The following IQGAP2 variants were observed in gnomAD, a reference collection of about 807,000 sequenced individuals.
IQGAP2 encodes the protein IQ motif containing GTPase activating protein 2.
In IQGAP2, 173 loss-of-function variants were observed where a neutral mutation model predicts 201.3. That is an observed-to-expected ratio of 0.86 (90% confidence interval 0.76 to 0.98). The LOEUF (loss-of-function observed/expected upper bound fraction) is 0.98. IQGAP2 is among the 50% of genes least tolerant of loss of function. The pLI is 0.00. For missense variants in IQGAP2, 1,687 were observed against 1,864.8 expected (o/e 0.90, Z 1.76); for synonymous variants, 675 against 673.9 (o/e 1.00, Z -0.03).
At chr5:76,563,391 T>A (rs1744518572) in intron 3 of IQGAP2, among the ~76,000 whole-genome samples, 1 of 152,158 alleles carries the variant, frequency 6.6e-6, no homozygotes, top group African/African-American at 2.4e-5. Flanking sequence ...TATTTACAGA[T>A]GAAGTGATAG....
rs187468332 is a variant in IQGAP2 at position 76,652,890 on chromosome 5, A to G, written c.2178+57A>G. Reference sequence around the variant, plus strand: ...TGGCTTAAACGTTTCCCCTCATTTCATGTTTAATCTGAAAGACAGCTATAG... The same window carrying G: ...TGGCTTAAACGTTTCCCCTCATTTCGTGTTTAATCTGAAAGACAGCTATAG... On this transcript the variant is annotated intron_variant, in intron 18 of 35. Transcript: ENST00000274364. The G allele has an allele frequency of 1.2e-3, 1,368 of 1,122,404 alleles. 8 individuals are homozygous for G. In the African/African-American group the frequency reaches 0.016, roughly 13 times the overall value. The allele number at this position is 1,122,404 out of a possible 1,614,324, so 69.5% of individuals were successfully genotyped here. A position where few individuals can be genotyped will look rare whatever the true frequency, so the allele number is the denominator to read the frequency against.
intron 6 of IQGAP2, 87 bp from the exon 7 acceptor site, chr5:76,589,528 T>C: frequency 1.5e-6 from 1 of 670,924 alleles, no homozygotes; most frequent in Non-Finnish European, 2.4e-6. Flanking sequence ...ATGAAGACAT[T>C]TCTTGATATG....
intron 2 of IQGAP2, among the ~76,000 whole-genome samples, chr5:76,479,450 A>C (rs1755646621): frequency 6.6e-6 from 1 of 152,144 alleles, no homozygotes; most frequent in African/African-American, 2.4e-5. Flanking sequence ...AACACAGACC[A>C]GCTGGCTGTG....
chr5:76,450,528 T>C (rs1229769398), intron 1 of IQGAP2, among the ~76,000 whole-genome samples: 2 of 152,112 alleles, frequency 1.3e-5, no homozygotes, highest in Admixed American at 1.3e-4. Flanking sequence ...TAATAGGAGG[T>C]AATAATATTT....
At chr5:76,694,250 CAGTG>C (rs764338850) in intron 31 of IQGAP2, among the ~76,000 whole-genome samples, 21 of 152,068 alleles carry the variant, frequency 1.4e-4, no homozygotes, top group Non-Finnish European at 2.5e-4. Flanking sequence ...CTGGACAACA[CAGTG>C]AGACCCCCAT....
chr5:76,432,811 C>G (rs574746365), intron 1 of IQGAP2, among the ~76,000 whole-genome samples: 1 of 152,324 alleles, frequency 6.6e-6, no homozygotes, highest in South Asian at 2.1e-4. Flanking sequence ...ATACACCTGG[C>G]TGCATACTCT....
chr5:76,539,169 A>AC (rs1010728758), intron 2 of IQGAP2, among the ~76,000 whole-genome samples: 6 of 152,126 alleles, frequency 3.9e-5, no homozygotes, highest in Non-Finnish European at 8.8e-5. Flanking sequence ...TGCCCCTCTG[A>AC]CCTCAACACT....
chr5:76,512,782 C>T (rs1314571180), intron 2 of IQGAP2, among the ~76,000 whole-genome samples: 4 of 152,302 alleles, frequency 2.6e-5, no homozygotes, highest in Admixed American at 2.0e-4. Flanking sequence ...TGGGGCTGGG[C>T]GCGGTGGCTC....
At position 76,410,088 on chromosome 5, in the gene IQGAP2, G is replaced by A. The variant is rs1019485648; in HGVS notation, c.46+6497G>A. 3.7e-4 allele frequency among the ~76,000 whole-genome samples: 56 copies of A among 152,198 alleles called. 1 individual carries two copies. Among genetic ancestry groups the A allele is most frequent in the African/African-American group, 1.3e-3 (53 of 41,458 alleles). ...AAAGTATCGTGATGAATGAAACACC[G>A]CTTAGCTGCTGACAGCTTACCAGAG... On this transcript the variant is annotated intron_variant, in intron 1 of 35. Coordinates refer to ENST00000274364, the MANE Select transcript of IQGAP2 (RefSeq NM_006633.5).
chr5:76,613,558 A>G (rs1217192534), intron 13 of IQGAP2, among the ~76,000 whole-genome samples: 1 of 152,164 alleles, frequency 6.6e-6, no homozygotes, highest in Non-Finnish European at 1.5e-5. Context: ...TTAATGAAGA[A>G]TATGTGCACG....
intron 2 of IQGAP2, among the ~76,000 whole-genome samples, chr5:76,490,651 G>C (rs941199757): frequency 1.3e-5 from 2 of 152,108 alleles, no homozygotes; most frequent in Admixed American, 6.6e-5. Context: ...TAGTGGCTAT[G>C]AGAAAAAAGC....
intron 5 of IQGAP2, among the ~76,000 whole-genome samples, chr5:76,586,514 C>T (rs1218284113): frequency 1.3e-5 from 2 of 152,158 alleles, no homozygotes; most frequent in Non-Finnish European, 2.9e-5. Context: ...AAAATATTTA[C>T]CCTCCCAACC....
At chr5:76,706,143 C>A (rs1003360150) in intron 35 of IQGAP2, among the ~76,000 whole-genome samples, 4 of 152,144 alleles carry the variant, frequency 2.6e-5, no homozygotes, top group Non-Finnish European at 5.9e-5. Flanking sequence ...TCTCTCCATA[C>A]ATAGTTATTT....
intron 12 of IQGAP2, among the ~76,000 whole-genome samples, chr5:76,609,739 G>T (rs1488531795): frequency 6.6e-6 from 1 of 151,414 alleles, no homozygotes; most frequent in Non-Finnish European, 1.5e-5. Context: ...TAAGCTTATT[G>T]TTCATTAATA....
chr5:76,484,063 A>AT (rs35942922), intron 2 of IQGAP2, among the ~76,000 whole-genome samples: 44 of 144,832 alleles, frequency 3.0e-4, no homozygotes, highest in African/African-American at 6.6e-4. Flanking sequence ...CTCATTGTTC[A>AT]TTTTTTTTTT....
At chr5:76,680,794 TAAAA>T (rs755958579) in intron 28 of IQGAP2, among the ~76,000 whole-genome samples, 1 of 115,534 alleles carries the variant, frequency 8.7e-6, no homozygotes, top group South Asian at 2.7e-4. Context: ...TTGTCTCATT[TAAAA>T]AAAAAAAAAA....
intron 2 of IQGAP2, among the ~76,000 whole-genome samples, chr5:76,505,998 C>T (rs762330059): frequency 1.3e-5 from 2 of 152,112 alleles, no homozygotes; most frequent in Admixed American, 6.6e-5. Flanking sequence ...TTCTGTGTAG[C>T]AGATACTGTG....
chr5:76,644,915 A>G (rs1380466693), intron 17 of IQGAP2, among the ~76,000 whole-genome samples: 1 of 152,174 alleles, frequency 6.6e-6, no homozygotes, highest in African/African-American at 2.4e-5. Context: ...TTTGTTACAT[A>G]GGTATACACG....
chr5:76,550,399 A>AG (rs1191082934), intron 2 of IQGAP2, among the ~76,000 whole-genome samples: 2 of 112,194 alleles, frequency 1.8e-5, no homozygotes, highest in Non-Finnish European at 3.5e-5. Flanking sequence ...TGTTTCTCGG[A>AG]GTGGGGGATT....
Sources: gnomAD v4.1 joint callset for allele counts (sites outside exome capture counted in the v4.1 genomes callset) on GRCh38, gnomAD v4.1.1 for gene constraint, MANE v1.5 for transcripts, NCBI Gene and HGNC (gene_info 2026-07-23, HGNC 2026-07-21) for gene names.